Variants in DDAH1 observed in about 807,000 individuals in gnomAD.
DDAH1 encodes dimethylarginine dimethylaminohydrolase 1.
In DDAH1, 19 loss-of-function variants were observed where a neutral mutation model predicts 28.8. The observed-to-expected ratio is 0.66, with a 90% CI of 0.46 to 0.97. DDAH1 has a LOEUF of 0.97. DDAH1 is among the 50% of genes least tolerant of loss of function. The pLI is 0.00. For synonymous variants in DDAH1, 153 were observed against 154.4 expected (o/e 0.99, Z 0.07); for missense variants, 326 against 375.9 (o/e 0.87, Z 1.10).
intron 4 of DDAH1, among the ~76,000 whole-genome samples, chr1:85,337,235 A>T (rs1648191103): frequency 6.6e-6 from 1 of 152,098 alleles, no homozygotes; most frequent in African/African-American, 2.4e-5. Flanking sequence ...TGTCTTTGTA[A>T]GCTGCTTTTA....
At chr1:85,556,842 C>A (rs532705287) in intron 1 of DDAH1, among the ~76,000 whole-genome samples, 1 of 152,284 alleles carries the variant, frequency 6.6e-6, no homozygotes, top group South Asian at 2.1e-4. Context: ...AGTGGCTGGG[C>A]ATAGTGGCTC....
chr1:85,343,658 GTC>G (rs538845047), intron 4 of DDAH1, among the ~76,000 whole-genome samples: 54 of 152,270 alleles, frequency 3.5e-4, no homozygotes, highest in Admixed American at 1.1e-3. Context: ...AAAATGCAAA[GTC>G]TTTATTTTTT....
rs904718284 is a variant in DDAH1 at position 85,319,583 on chromosome 1, C to T, written c.*1869G>A. ...TAACCCAAAAGGACAACCTTGAGAA[C>T]ATTTTTTCTTTGTTAACTTGGGCAT... On this transcript the variant is annotated 3_prime_UTR_variant, in exon 6 of 6. Transcript: ENST00000284031. The T allele has an allele frequency of 2.6e-5, 4 of 152,196 alleles. No homozygotes were observed. The highest frequency in any genetic ancestry group is 1.3e-4 in the Admixed American group (2 of 15,274). 9.4% of individuals were successfully genotyped at this position (152,196 alleles called of 1,614,324 possible). A position where few individuals can be genotyped will look rare whatever the true frequency, so the allele number is the denominator to read the frequency against.
Position 85,321,217 on chromosome 1 carries a change from C to A in DDAH1, c.*235G>T. On this transcript the variant is annotated 3_prime_UTR_variant, in exon 6 of 6. Transcript: ENST00000284031. ...TAATCACATTTTGATAATTCATTAG[C>A]TCTGTATCTTCTAGGTTGCTTAATT... is the stretch of plus-strand genomic sequence containing the variant. 1 of 449,518 alleles carries A rather than the reference C, an allele frequency of 2.2e-6. No homozygotes were observed. The highest frequency in any genetic ancestry group is 4.0e-6 in the Non-Finnish European group (1 of 249,270). The allele number at this position is 449,518 out of a possible 1,614,324, so 27.8% of individuals were successfully genotyped here.
At chr1:85,576,217 T>C (rs1274570119) in intron 1 of DDAH1, among the ~76,000 whole-genome samples, 3 of 152,212 alleles carry the variant, frequency 2.0e-5, no homozygotes, top group Non-Finnish European at 2.9e-5. Context: ...ATATAATGTG[T>C]TAATTTCTGA....
intron 1 of DDAH1, among the ~76,000 whole-genome samples, chr1:85,442,964 C>A (rs1026529124): frequency 6.6e-6 from 1 of 152,158 alleles, no homozygotes; most frequent in Non-Finnish European, 1.5e-5. Flanking sequence ...AATTTTCTCC[C>A]ATTCTGTAGG....
intron 1 of DDAH1, among the ~76,000 whole-genome samples, chr1:85,498,722 T>G (rs61785165): frequency 0.1 from 15,166 of 152,068 alleles, 997 homozygotes; most frequent in Non-Finnish European, 0.15. Context: ...AGTTTGAGAC[T>G]AGCCTGGACA....
At chr1:85,483,546 A>T (rs1367731303) in intron 2 of DDAH1, among the ~76,000 whole-genome samples, 1 of 152,216 alleles carries the variant, frequency 6.6e-6, no homozygotes, top group Admixed American at 6.5e-5. Context: ...TTAGGAAGAT[A>T]ATGTGGTGAG....
intron 1 of DDAH1, among the ~76,000 whole-genome samples, chr1:85,463,062 C>A (rs1235920790): frequency 6.6e-6 from 1 of 152,230 alleles, no homozygotes; most frequent in Non-Finnish European, 1.5e-5. Flanking sequence ...GCAAGAGACA[C>A]TCCCTAAAGG....
intron 2 of DDAH1, among the ~76,000 whole-genome samples, chr1:85,352,951 T>G (rs1024288587): frequency 2.6e-5 from 4 of 151,964 alleles, no homozygotes; most frequent in African/African-American, 9.7e-5. Context: ...TATAAAATGA[T>G]CACGTGAGGC....
At chr1:85,553,374 C>T (rs112060648) in intron 1 of DDAH1, among the ~76,000 whole-genome samples, 1 of 152,196 alleles carries the variant, frequency 6.6e-6, no homozygotes, top group African/African-American at 2.4e-5. Flanking sequence ...TTTTACTCTG[C>T]TTTTTATTCC....
intron 4 of DDAH1, among the ~76,000 whole-genome samples, chr1:85,331,352 G>A (rs893568285): frequency 6.6e-6 from 1 of 151,902 alleles, no homozygotes; most frequent in African/African-American, 2.4e-5. Flanking sequence ...ATAAAAGGTA[G>A]TTAGAGATGT....
At chr1:85,487,039 C>T (rs1018121927) in intron 2 of DDAH1, among the ~76,000 whole-genome samples, 5 of 152,106 alleles carry the variant, frequency 3.3e-5, no homozygotes, top group African/African-American at 7.2e-5. Flanking sequence ...ATATAGTGTC[C>T]GTAAAACAAT....
intron 1 of DDAH1, among the ~76,000 whole-genome samples, chr1:85,377,359 G>T (rs938148914): frequency 6.6e-6 from 1 of 152,026 alleles, no homozygotes; most frequent in Middle Eastern, 3.4e-3. Context: ...TTGTCTTCTA[G>T]ACTCCAAGCA....
At chr1:85,387,411 C>T (rs1468260987) in intron 1 of DDAH1, among the ~76,000 whole-genome samples, 1 of 152,180 alleles carries the variant, frequency 6.6e-6, no homozygotes, top group Admixed American at 6.5e-5. Context: ...TAACCTTCAT[C>T]ATCATCACTA....
intron 1 of DDAH1, among the ~76,000 whole-genome samples, chr1:85,364,907 T>C (rs1247461976): frequency 1.3e-5 from 2 of 152,182 alleles, no homozygotes; most frequent in Non-Finnish European, 2.9e-5. Flanking sequence ...AGACATTTTG[T>C]GTACTCAATG....
chr1:85,347,558 T>C (rs529747453), intron 4 of DDAH1, among the ~76,000 whole-genome samples: 27 of 152,130 alleles, frequency 1.8e-4, no homozygotes, highest in African/African-American at 5.3e-4. Flanking sequence ...CAGGTGGGAA[T>C]TGAACAATGA....
upstream of DDAH1, among the ~76,000 whole-genome samples, chr1:85,465,727 C>T (rs1158597188): frequency 1.3e-5 from 2 of 152,016 alleles, no homozygotes; most frequent in African/African-American, 4.8e-5. Context: ...TATCTGAAAA[C>T]AGTTCTAATT....
intron 4 of DDAH1, among the ~76,000 whole-genome samples, chr1:85,345,336 T>TA (rs1039608231): frequency 4.2e-4 from 2 of 4,722 alleles, no homozygotes; most frequent in African/African-American, 1.3e-3. Context: ...CTTACATTAT[T>TA]TTTTTTTTTT....
Sources: allele counts gnomAD v4.1 joint callset (sites outside exome capture counted in the v4.1 genomes callset), GRCh38; gene constraint gnomAD v4.1.1; transcripts MANE v1.5; gene names NCBI Gene and HGNC (gene_info 2026-07-23, HGNC 2026-07-21).